Variants in ADIPOR2 observed in about 807,000 individuals in gnomAD.
ADIPOR2 encodes the protein adiponectin receptor protein 2.
ADIPOR2 carries 18 observed loss-of-function variants against 40.9 expected under a neutral mutation model. The ratio of observed to expected loss-of-function variants is 0.44; its 90% CI spans 0.30 to 0.65. ADIPOR2 has a LOEUF of 0.65. ADIPOR2 is among the 30% of genes least tolerant of loss of function. The pLI is 0.09. For missense variants in ADIPOR2, 283 were observed against 479.2 expected, an observed-to-expected ratio of 0.59 and a Z score of 3.82; for synonymous variants, 165 against 166.4, an observed-to-expected ratio of 0.99 and a Z score of 0.06.
In ADIPOR2 at chr12:1,739,972, C is replaced by T. The variant is rs901893833; in HGVS notation, c.-86-14286C>T. On this transcript the variant is annotated intron_variant, in intron 1 of 7. Coordinates refer to ENST00000357103, the MANE Select transcript of ADIPOR2 (RefSeq NM_024551.3). ...AAAAAATTAACCGGGCGTGGTGGCA[C>T]ATGCCTGTAATCCTAGCTACTCAGA... Among the ~76,000 whole-genome samples, 4 of 109,706 alleles carry T rather than the reference C, an allele frequency of 3.6e-5. No homozygotes were observed. In the South Asian group the frequency reaches 1.2e-3, roughly 32 times the overall value. 72.0% of individuals were successfully genotyped at this position (109,706 alleles called of 152,430 possible).
chr12:1,763,321 T>C (rs1862308116), intron 2 of ADIPOR2, among the ~76,000 whole-genome samples: 1 of 152,310 alleles, frequency 6.6e-6, no homozygotes, highest in African/African-American at 2.4e-5. Flanking sequence ...TCCAGACCGG[T>C]AGGAATTACA....
chr12:1,748,450 G>T (rs373571192), intron 1 of ADIPOR2, among the ~76,000 whole-genome samples: 3 of 151,856 alleles, frequency 2.0e-5, no homozygotes, highest in Non-Finnish European at 2.9e-5. Context: ...GGGTTTCACC[G>T]TGTTAGCCAG....
At chr12:1,781,770 C>A (rs1862725196) in intron 6 of ADIPOR2, among the ~76,000 whole-genome samples, 1 of 152,168 alleles carries the variant, frequency 6.6e-6, no homozygotes, top group South Asian at 2.1e-4. Context: ...CTTAAACCCC[C>A]AAAACCATTT....
At chr12:1,742,096 T>TTC (rs1212738783) in intron 1 of ADIPOR2, among the ~76,000 whole-genome samples, 1 of 152,126 alleles carries the variant, frequency 6.6e-6, no homozygotes, top group East Asian at 1.9e-4. Flanking sequence ...TTTGTCACTT[T>TTC]TCTCTCTCTC....
intron 1 of ADIPOR2, among the ~76,000 whole-genome samples, chr12:1,715,688 A>AG (rs2094686104): frequency 6.6e-6 from 1 of 152,070 alleles, no homozygotes; most frequent in African/African-American, 2.4e-5. Flanking sequence ...TCCTGTTTAG[A>AG]GGGGGGATTG....
chr12:1,727,989 C>G (rs528895612), intron 1 of ADIPOR2, among the ~76,000 whole-genome samples: 1 of 152,290 alleles, frequency 6.6e-6, no homozygotes, highest in South Asian at 2.1e-4. Flanking sequence ...TGAAGGACAG[C>G]TGAGCTCCCC....
chr12:1,704,055 A>ATTTTTT (rs57190793), intron 1 of ADIPOR2, among the ~76,000 whole-genome samples: 13 of 67,546 alleles, frequency 1.9e-4, no homozygotes, highest in Non-Finnish European at 3.3e-4. Flanking sequence ...TCTACCTGGA[A>ATTTTTT]TTTTTTTTTT....
In ADIPOR2 at chr12:1,725,414, C is replaced by A. The variant is rs919288973; in HGVS notation, c.-86-28844C>A. 8.5e-4 allele frequency among the ~76,000 whole-genome samples: 130 copies of A among 152,258 alleles called. 1 individual carries two copies. Among genetic ancestry groups the A allele is most frequent in the African/African-American group, 3.1e-3 (128 of 41,540 alleles). On this transcript the variant is annotated intron_variant, in intron 1 of 7. Transcript: ENST00000357103. ...GGATTACAGGTGTGAACCACCACAC[C>A]TGGCCAAATGTCCCAAACTTAAACC...
chr12:1,712,042 G>A (rs544454265), intron 1 of ADIPOR2, among the ~76,000 whole-genome samples: 15 of 152,244 alleles, frequency 9.9e-5, no homozygotes, highest in African/African-American at 3.1e-4. Context: ...TGGTCCCTGG[G>A]GGAGGAGGCT....
intron 1 of ADIPOR2, among the ~76,000 whole-genome samples, chr12:1,692,393 G>T (rs1006333781): frequency 4.6e-5 from 7 of 152,206 alleles, no homozygotes; most frequent in Non-Finnish European, 8.8e-5. Context: ...AGTGTTGATT[G>T]TGATGATCTG....
At chr12:1,755,372 G>A (rs568366865) in intron 2 of ADIPOR2, among the ~76,000 whole-genome samples, 3 of 152,180 alleles carry the variant, frequency 2.0e-5, no homozygotes, top group South Asian at 4.2e-4. Context: ...GACTGCGCCC[G>A]GCCTCTGCTG....
intron 1 of ADIPOR2, among the ~76,000 whole-genome samples, chr12:1,709,531 T>A (rs989272624): frequency 1.3e-5 from 2 of 152,330 alleles, no homozygotes; most frequent in African/African-American, 4.8e-5. Context: ...GAAAAAAGAT[T>A]ATCTCTGAAT....
At chr12:1,712,918 G>A (rs1213643429) in intron 1 of ADIPOR2, among the ~76,000 whole-genome samples, 2 of 152,134 alleles carry the variant, frequency 1.3e-5, no homozygotes, top group African/African-American at 4.8e-5. Context: ...CTTTGATTTA[G>A]ATGCCTTGTA....
At chr12:1,702,055 G>C (rs1175134304) in intron 1 of ADIPOR2, among the ~76,000 whole-genome samples, 1 of 152,142 alleles carries the variant, frequency 6.6e-6, no homozygotes, top group African/African-American at 2.4e-5. Flanking sequence ...CTGGGAGGCA[G>C]AGGTTTCAGT....
chr12:1,784,145 A>G, intron 7 of ADIPOR2, 72 bp downstream of exon 7: 2 of 1,432,448 alleles, frequency 1.4e-6, no homozygotes, highest in Non-Finnish European at 9.3e-7. Flanking sequence ...GAGTGATGCA[A>G]TAGAAAAAGT....
chr12:1,785,893 T>G (rs767689143), intron 7 of ADIPOR2, 51 bp from the exon 8 acceptor site: 5 of 1,603,786 alleles, frequency 3.1e-6, no homozygotes, highest in Non-Finnish European at 8.5e-7. Flanking sequence ...TTTAGCAGTC[T>G]TAATAATGTA....
chr12:1,713,173 T>C (rs756989069), intron 1 of ADIPOR2, among the ~76,000 whole-genome samples: 8 of 152,050 alleles, frequency 5.3e-5, no homozygotes, highest in Non-Finnish European at 1.0e-4. Flanking sequence ...AAAGAGAAAC[T>C]GGGAGTCAGA....
chr12:1,718,301 C>G (rs1014404058), intron 1 of ADIPOR2, among the ~76,000 whole-genome samples: 2 of 151,818 alleles, frequency 1.3e-5, no homozygotes, highest in African/African-American at 2.4e-5. Flanking sequence ...AAGACTGTTA[C>G]ACTTCTTGGG....
chr12:1,699,983 A>C (rs2094647013), intron 1 of ADIPOR2, among the ~76,000 whole-genome samples: 1 of 152,376 alleles, frequency 6.6e-6, no homozygotes, highest in South Asian at 2.1e-4. Context: ...CTAAATTCTG[A>C]GAATTGCCAG....
Sources: allele counts gnomAD v4.1 joint callset (sites outside exome capture counted in the v4.1 genomes callset), GRCh38; gene constraint gnomAD v4.1.1; transcripts MANE v1.5; gene names NCBI Gene and HGNC (gene_info 2026-07-23, HGNC 2026-07-21).